Variants in CYP11A1 observed in about 807,000 individuals in gnomAD.
CYP11A1 encodes the protein cytochrome P450 family 11 subfamily A member 1.
Under a neutral mutation model 51.9 loss-of-function variants are expected in CYP11A1, and 25 were observed. The ratio of observed to expected loss-of-function variants is 0.48; its 90% CI spans 0.35 to 0.67. The LOEUF (loss-of-function observed/expected upper bound fraction) is 0.67, where lower values mean the gene tolerates loss of function less well. CYP11A1 is among the 30% of genes least tolerant of loss of function. The pLI is 0.00. For synonymous variants in CYP11A1, 245 were observed against 262.1 expected, an observed-to-expected ratio of 0.93 and a Z score of 0.63; for missense variants, 578 against 680.9, an observed-to-expected ratio of 0.85 and a Z score of 1.68.
intron 7 of CYP11A1, 79 bp downstream of exon 7, chr15:74,339,158 T>G: frequency 1.6e-6 from 2 of 1,254,698 alleles, no homozygotes; most frequent in Non-Finnish European, 2.3e-6. Flanking sequence ...AGGGCCCCAG[T>G]GCCACCCTCT....
rs1210375685 is a variant in CYP11A1, at chr15:74,343,093, C to T, written c.874G>A (p.Gly292Arg). ...CCACGGTAATCGTGGTGAACACTTC[C>T]TTTCTGTCTCAATTCCCAGTAGAAG... is the stretch of plus-strand genomic sequence containing the variant. ...QNFYWELRQK[G>R]SVHHDYRGIL... The change falls in exon 5 of 9, where the codon GGA (glycine) becomes AGA (arginine). Residue 292 changes from glycine to arginine, a missense_variant. Coordinates refer to ENST00000268053, the MANE Select transcript of CYP11A1 (RefSeq NM_000781.3). The T allele has an allele frequency of 1.2e-6, 2 of 1,613,898 alleles. No individual in the cohort carries two copies. Among genetic ancestry groups the T allele is most frequent in the Admixed American group, 1.7e-5 (1 of 60,012 alleles).
Position 74,357,307 on chromosome 15 carries a change from G to T in CYP11A1, c.270-9252C>A, listed in dbSNP as rs574967043. ...GTACTGCTGCAAGTCTTCACGGACA[G>T]GCCCCATTACTTCAGTGAACCCCAA... On this transcript the variant is annotated intron_variant, in intron 1 of 8. Coordinates refer to ENST00000268053, the MANE Select transcript of CYP11A1 (RefSeq NM_000781.3). Among the ~76,000 whole-genome samples, 7 of 152,276 alleles carry T rather than the reference G, an allele frequency of 4.6e-5. No individual in the cohort carries two copies. The East Asian group carries it at 1.4e-3, about 29-fold the overall frequency.
rs904924916 is a variant in CYP11A1, at chr15:74,351,009, C to T, written c.270-2954G>A. ...CTCCATACAGGAGCTCTCTCTTTCT[C>T]TTTTCTGTTCCAACTTGGGACCCTT... is the stretch of plus-strand genomic sequence containing the variant. On this transcript the variant is annotated intron_variant, in intron 1 of 8. Transcript: ENST00000268053. 6.6e-5 allele frequency: 10 copies of T among 152,334 alleles called. No homozygotes were observed. In the East Asian group the frequency reaches 1.9e-3, roughly 29 times the overall value. The allele number at this position is 152,334 out of a possible 1,614,324, so 9.4% of individuals were successfully genotyped here.
chr15:74,363,378 G>A (rs1247007305), intron 1 of CYP11A1: 1 of 152,222 alleles, frequency 6.6e-6, no homozygotes, highest in Non-Finnish European at 1.5e-5. Context: ...GGGATTACAG[G>A]TGCACGTGAC....
At chr15:74,347,794 G>A in intron 2 of CYP11A1, 106 bp downstream of exon 2, 1 of 1,160,660 alleles carries the variant, frequency 8.6e-7, no homozygotes, top group Non-Finnish European at 1.3e-6. Context: ...GGCCCTGCTA[G>A]GAGGCACAGG....
intron 8 of CYP11A1, 47 bp downstream of exon 8, chr15:74,338,524 G>A: frequency 6.3e-7 from 1 of 1,588,996 alleles, no homozygotes; most frequent in Non-Finnish European, 8.6e-7. Flanking sequence ...GCCTTCATTA[G>A]GGCCAGGGCC....
intron 1 of CYP11A1, among the ~76,000 whole-genome samples, chr15:74,366,460 T>TTTTATTTATTTATTTATTTATTTA (rs45509005): frequency 7.3e-6 from 1 of 137,690 alleles, no homozygotes; most frequent in Non-Finnish European, 1.5e-5. Flanking sequence ...ATTTTTTTTA[T>TTTTATTTATTTATTTATTTATTTA]TTTATTTATT....
chr15:74,353,209 G>T (rs985160044), intron 1 of CYP11A1, among the ~76,000 whole-genome samples: 1 of 152,306 alleles, frequency 6.6e-6, no homozygotes, highest in East Asian at 1.9e-4. Flanking sequence ...GTTTTGAAAA[G>T]GTTATTTATG....
intron 4 of CYP11A1, 149 bp downstream of exon 4, chr15:74,343,640 G>T: frequency 1.3e-6 from 1 of 758,508 alleles, no homozygotes; most frequent in Non-Finnish European, 2.4e-6. Flanking sequence ...ATTTCCAGGG[G>T]TCCCAGGGCC....
chr15:74,352,264 C>CTTTTTTT (rs34304260), intron 1 of CYP11A1, among the ~76,000 whole-genome samples: 8 of 86,084 alleles, frequency 9.3e-5, no homozygotes, highest in African/African-American at 1.3e-4. Flanking sequence ...TCTTTGCTAT[C>CTTTTTTT]TTTTTTTTTT....
intron 1 of CYP11A1, chr15:74,361,641 A>G: frequency 8.3e-7 from 1 of 1,197,856 alleles, no homozygotes; most frequent in South Asian, 1.2e-5. Flanking sequence ...CAAGATTCCA[A>G]AAACAGCAGA....
At chr15:74,343,218 C>A in intron 4 of CYP11A1, 81 bp from the exon 5 acceptor site, 1 of 1,461,288 alleles carries the variant, frequency 6.8e-7, no homozygotes. Flanking sequence ...TGAAAGGTGG[C>A]ACCAAGGGCC....
chr15:74,367,195 A>T, intron 1 of CYP11A1, 122 bp downstream of exon 1: 1 of 975,216 alleles, frequency 1.0e-6, no homozygotes, highest in Non-Finnish European at 1.5e-6. Context: ...AAAAAAAAAA[A>T]AGAAGTTAGA....
At chr15:74,342,377 C>T (rs997645596) in intron 5 of CYP11A1, among the ~76,000 whole-genome samples, 19 of 152,192 alleles carry the variant, frequency 1.2e-4, no homozygotes, top group African/African-American at 4.1e-4. Flanking sequence ...CCACTGCGCC[C>T]GGCCAGGACT....
chr15:74,341,460 C>T (rs1283708171), intron 5 of CYP11A1, among the ~76,000 whole-genome samples: 1 of 152,190 alleles, frequency 6.6e-6, no homozygotes, highest in Non-Finnish European at 1.5e-5. Context: ...GTGCTTCTCC[C>T]TAGTCCTGAA....
chr15:74,358,216 A>G (rs950366973), intron 1 of CYP11A1, among the ~76,000 whole-genome samples: 2 of 152,224 alleles, frequency 1.3e-5, no homozygotes, highest in African/African-American at 4.8e-5. Context: ...TTATGCTGAT[A>G]AGGTAGCTAA....
intron 1 of CYP11A1, among the ~76,000 whole-genome samples, chr15:74,352,121 C>G (rs2959020): frequency 5.3e-5 from 8 of 152,110 alleles, no homozygotes; most frequent in African/African-American, 1.7e-4. Flanking sequence ...GTAAATAAGT[C>G]TAAGCAATTT....
intron 1 of CYP11A1, among the ~76,000 whole-genome samples, chr15:74,358,030 G>A (rs953635854): frequency 1.3e-5 from 2 of 152,132 alleles, no homozygotes; most frequent in African/African-American, 4.8e-5. Context: ...TCCATATCCT[G>A]CACCACCATG....
intron 4 of CYP11A1, 140 bp from the exon 5 acceptor site, chr15:74,343,277 C>G: frequency 1.2e-6 from 1 of 805,846 alleles, no homozygotes; most frequent in Non-Finnish European, 2.1e-6. Context: ...TTACTGAGCA[C>G]GTACTCTGTA....
Sources: allele counts gnomAD v4.1 joint callset (sites outside exome capture counted in the v4.1 genomes callset), GRCh38; gene constraint gnomAD v4.1.1; transcripts MANE v1.5; gene names NCBI Gene and HGNC (gene_info 2026-07-23, HGNC 2026-07-21).